Variants in CAMK1D observed in about 807,000 individuals in gnomAD.
CAMK1D encodes the protein calcium/calmodulin-dependent protein kinase type 1D.
A neutral mutation model predicts 47.7 loss-of-function variants in CAMK1D; 9 were observed. The ratio of observed to expected loss-of-function variants is 0.19; its 90% confidence interval spans 0.11 to 0.33. CAMK1D has a LOEUF of 0.33. Among genes scored for constraint, CAMK1D ranks in the 10% least tolerant of loss-of-function variants. The probability of loss-of-function intolerance (pLI) is 1.00; values close to 1 mark genes in which losing one functional copy is unlikely to be tolerated. For missense variants in CAMK1D, 291 were observed against 488.7 expected (o/e 0.60, Z 3.81); for synonymous variants, 184 against 184.9 (o/e 0.99, Z 0.04).
chr10:12,819,947 G>A (rs562849653), intron 8 of CAMK1D, among the ~76,000 whole-genome samples: 2 of 152,168 alleles, frequency 1.3e-5, no homozygotes, highest in Non-Finnish European at 2.9e-5. Context: ...GGAAGAGAAG[G>A]GTCTAGGATT....
intron 1 of CAMK1D, among the ~76,000 whole-genome samples, chr10:12,481,651 A>G (rs1162834240): frequency 6.6e-6 from 1 of 152,078 alleles, no homozygotes; most frequent in Non-Finnish European, 1.5e-5. Context: ...CCGCGATTAC[A>G]GGCGTGTACC....
chr10:12,749,333 A>G (rs1320771504), intron 3 of CAMK1D, among the ~76,000 whole-genome samples: 2 of 150,456 alleles, frequency 1.3e-5, no homozygotes, highest in South Asian at 2.1e-4. Flanking sequence ...ATGTGGTTTT[A>G]TAGGTTGTTA....
At chr10:12,383,448 T>C (rs369643846) in intron 1 of CAMK1D, among the ~76,000 whole-genome samples, 114 of 152,336 alleles carry the variant, frequency 7.5e-4, no homozygotes, top group African/African-American at 2.5e-3. Context: ...AAATGTCAAA[T>C]TGACATGAAT....
At chr10:12,359,066 G>A (rs1837589407) in intron 1 of CAMK1D, among the ~76,000 whole-genome samples, 1 of 152,208 alleles carries the variant, frequency 6.6e-6, no homozygotes, top group South Asian at 2.1e-4. Flanking sequence ...GGTACAGTGA[G>A]TAGCTAAGAA....
intron 2 of CAMK1D, among the ~76,000 whole-genome samples, chr10:12,598,500 G>C (rs969553197): frequency 2.0e-5 from 3 of 152,226 alleles, no homozygotes; most frequent in Admixed American, 6.5e-5. Context: ...TCAGGAAGCA[G>C]TCTCATTTTC....
At chr10:12,810,276 C>CTTT (rs36022032) in intron 6 of CAMK1D, among the ~76,000 whole-genome samples, 5,499 of 126,134 alleles carry the variant, frequency 0.044, 543 homozygotes, top group African/African-American at 0.15. Flanking sequence ...CCTAGCACCA[C>CTTT]TTTTTTTTTT....
intron 1 of CAMK1D, chr10:12,415,878 C>G (rs1209615362): frequency 6.6e-6 from 1 of 151,574 alleles, no homozygotes; most frequent in African/African-American, 2.4e-5. Context: ...CAATCACAGC[C>G]CATTGGAGCC....
At chr10:12,546,800 G>A (rs1176785242) in intron 1 of CAMK1D, among the ~76,000 whole-genome samples, 1 of 150,386 alleles carries the variant, frequency 6.6e-6, no homozygotes, top group Non-Finnish European at 1.5e-5. Flanking sequence ...TCACACACCG[G>A]GGACTGTTGT....
intron 2 of CAMK1D, among the ~76,000 whole-genome samples, chr10:12,646,798 T>G (rs773472539): frequency 5.9e-5 from 9 of 152,156 alleles, no homozygotes; most frequent in Non-Finnish European, 1.3e-4. Context: ...CTCTTTATCG[T>G]TCAGTTGTTG....
At chr10:12,551,653 G>A (rs1279497515) in intron 1 of CAMK1D, among the ~76,000 whole-genome samples, 1 of 152,074 alleles carries the variant, frequency 6.6e-6, no homozygotes, top group African/African-American at 2.4e-5. Context: ...CAGGAGAATC[G>A]CTTGAACCTG....
In CAMK1D at chr10:12,476,599, T is replaced by C. The variant is rs373070270; in HGVS notation, c.93-76626T>C. On this transcript the variant is annotated intron_variant, in intron 1 of 10. Transcript: ENST00000619168. ...TATTTCCTTACAAAAATTTCTCTTA[T>C]CATGTCGAGATTTTTTAATTTCGGG... 1.6e-4 allele frequency among the ~76,000 whole-genome samples: 25 copies of C among 152,322 alleles called. No individual in the cohort carries two copies. The South Asian group carries it at 3.5e-3, about 21-fold the overall frequency.
chr10:12,652,755 G>T (rs1319306684), intron 2 of CAMK1D, among the ~76,000 whole-genome samples: 2 of 152,092 alleles, frequency 1.3e-5, no homozygotes, highest in Non-Finnish European at 2.9e-5. Flanking sequence ...GGATATAATA[G>T]AACTATAAGC....
chr10:12,612,057 G>C (rs1205018598), intron 2 of CAMK1D, among the ~76,000 whole-genome samples: 1 of 152,202 alleles, frequency 6.6e-6, no homozygotes, highest in Admixed American at 6.5e-5. Flanking sequence ...CTCTTAGGAT[G>C]CTCCTCCCTG....
chr10:12,456,690 C>A (rs1293016651), intron 1 of CAMK1D: 1 of 136,106 alleles, frequency 7.3e-6, no homozygotes, highest in Non-Finnish European at 1.5e-5. Context: ...TCACTTGAGC[C>A]CAGGAGGTCA....
At chr10:12,412,693 C>CAAAA (rs571912414) in intron 1 of CAMK1D, among the ~76,000 whole-genome samples, 1 of 45,156 alleles carries the variant, frequency 2.2e-5, no homozygotes, top group African/African-American at 8.6e-5. Flanking sequence ...GAGACGCCAT[C>CAAAA]AAAAAAAAAA....
intron 3 of CAMK1D, among the ~76,000 whole-genome samples, chr10:12,677,333 A>T (rs1422869057): frequency 6.6e-6 from 1 of 152,190 alleles, no homozygotes. Context: ...ACCTTAATAT[A>T]TTTATATATA....
chr10:12,383,982 C>T lies in CAMK1D; in HGVS notation c.92+34072C>T, dbSNP rs560224926. ...CTAAGGAATCACCTAGATAACTATT[C>T]CATTTAATAAATGAGTTCATCAAGA... is the stretch of plus-strand genomic sequence containing the variant. On this transcript the variant is annotated intron_variant, in intron 1 of 10. Coordinates refer to ENST00000619168, the MANE Select transcript of CAMK1D (RefSeq NM_153498.4). Among the ~76,000 whole-genome samples, 50 of 152,174 alleles carry T rather than the reference C, an allele frequency of 3.3e-4. 1 individual carries two copies. The highest frequency in any genetic ancestry group is 1.0e-4 in the Non-Finnish European group (7 of 68,010).
At chr10:12,652,934 C>T (rs187991422) in intron 2 of CAMK1D, among the ~76,000 whole-genome samples, 39 of 152,316 alleles carry the variant, frequency 2.6e-4, no homozygotes, top group African/African-American at 7.2e-4. Context: ...AGAAAGAATA[C>T]GGTGTCTTAG....
intron 4 of CAMK1D, among the ~76,000 whole-genome samples, chr10:12,764,589 T>C (rs1339949106): frequency 6.6e-6 from 1 of 151,342 alleles, no homozygotes; most frequent in Admixed American, 6.6e-5. Context: ...CCTCTCCTTA[T>C]CACCTCCTGG....
Sources: gnomAD v4.1 joint callset for allele counts (sites outside exome capture counted in the v4.1 genomes callset) on GRCh38, gnomAD v4.1.1 for gene constraint, MANE v1.5 for transcripts, NCBI Gene and HGNC (gene_info 2026-07-23, HGNC 2026-07-21) for gene names.